Variants in EPHA6 observed in about 807,000 individuals in gnomAD.
The protein encoded by EPHA6 is ephrin type-A receptor 6.
In EPHA6, 50 loss-of-function variants were observed where a neutral mutation model predicts 112.0. That is an observed-to-expected ratio of 0.45 (90% CI 0.36 to 0.56). EPHA6 has a LOEUF of 0.56. EPHA6 is among the 20% of genes least tolerant of loss of function. The pLI is 0.00. For synonymous variants in EPHA6, 529 were observed against 490.7 expected (o/e 1.08, Z -1.03); for missense variants, 1,280 against 1,417.4 (o/e 0.90, Z 1.56).
chr3:97,503,301 T>C (rs2092171372), intron 10 of EPHA6, among the ~76,000 whole-genome samples: 1 of 152,156 alleles, frequency 6.6e-6, no homozygotes, highest in Non-Finnish European at 1.5e-5. Context: ...GAACACATAG[T>C]TCCAAAAAAC....
chr3:97,254,591 A>G (rs1417552098), intron 5 of EPHA6, among the ~76,000 whole-genome samples: 2 of 152,232 alleles, frequency 1.3e-5, no homozygotes, highest in Non-Finnish European at 2.9e-5. Context: ...CTACCAGCTC[A>G]TATTAGTTTT....
At chr3:97,551,616 T>C (rs2093030040) in intron 11 of EPHA6, among the ~76,000 whole-genome samples, 1 of 152,196 alleles carries the variant, frequency 6.6e-6, no homozygotes, top group Non-Finnish European at 1.5e-5. Flanking sequence ...ATATATAACA[T>C]GCTGTTGTGT....
At chr3:97,185,445 G>A (rs560618785) in intron 3 of EPHA6, among the ~76,000 whole-genome samples, 2 of 152,218 alleles carry the variant, frequency 1.3e-5, no homozygotes, top group Non-Finnish European at 2.9e-5. Context: ...CATTTATGCA[G>A]CCAACAGATG....
At chr3:97,536,969 G>C (rs1411064008) in intron 11 of EPHA6, among the ~76,000 whole-genome samples, 2 of 152,120 alleles carry the variant, frequency 1.3e-5, no homozygotes, top group Non-Finnish European at 2.9e-5. Context: ...GTCATGAGAT[G>C]TTGGTGAGGT....
chr3:97,241,779 T>G (rs1168299123), intron 4 of EPHA6, among the ~76,000 whole-genome samples: 1 of 150,162 alleles, frequency 6.7e-6, no homozygotes, highest in Non-Finnish European at 1.5e-5. Flanking sequence ...TTGTTTTTTT[T>G]TTTAGTATCT....
intron 5 of EPHA6, among the ~76,000 whole-genome samples, chr3:97,335,856 G>A (rs1430476792): frequency 9.9e-5 from 15 of 152,096 alleles, no homozygotes; most frequent in Non-Finnish European, 2.1e-4. Context: ...TTGGTGGCCA[G>A]TGAATCAGGA....
chr3:97,001,764 A>C (rs1160180853), intron 3 of EPHA6, among the ~76,000 whole-genome samples: 2 of 152,020 alleles, frequency 1.3e-5, no homozygotes, highest in Non-Finnish European at 2.9e-5. Flanking sequence ...GTATACAAGG[A>C]CTATCAGCAT....
At chr3:97,665,297 G>A (rs145152636) in intron 14 of EPHA6, among the ~76,000 whole-genome samples, 4,303 of 152,192 alleles carry the variant, frequency 0.028, 185 homozygotes, top group African/African-American at 0.096. Flanking sequence ...TCCCTTCCTT[G>A]CACCTTATAC....
chr3:97,644,307 A>G (rs1248360932), intron 14 of EPHA6, among the ~76,000 whole-genome samples: 6 of 148,712 alleles, frequency 4.0e-5, no homozygotes, highest in Non-Finnish European at 9.0e-5. Context: ...AGGGAAATTT[A>G]TAGCACTAAA....
At chr3:96,937,703 A>G (rs1189156054) in intron 2 of EPHA6, among the ~76,000 whole-genome samples, 1 of 152,108 alleles carries the variant, frequency 6.6e-6, no homozygotes, top group Non-Finnish European at 1.5e-5. Context: ...CCTGAATGGT[A>G]TTGCCTAGGT....
At chr3:97,731,820 A>G (rs2035048519) in intron 15 of EPHA6, among the ~76,000 whole-genome samples, 1 of 152,028 alleles carries the variant, frequency 6.6e-6, no homozygotes, top group Non-Finnish European at 1.5e-5. Flanking sequence ...CTCCAACCCG[A>G]GAATTGCTTC....
At chr3:96,963,864 C>T (rs1351964911) in intron 2 of EPHA6, among the ~76,000 whole-genome samples, 2 of 152,044 alleles carry the variant, frequency 1.3e-5, no homozygotes, top group African/African-American at 4.8e-5. Flanking sequence ...TAAACCTATT[C>T]TTCAATTTGC....
At chr3:96,960,312 C>G (rs6802423) in intron 2 of EPHA6, among the ~76,000 whole-genome samples, 2 of 151,940 alleles carry the variant, frequency 1.3e-5, no homozygotes, top group African/African-American at 4.8e-5. Flanking sequence ...TCATCTTTCT[C>G]TCTTATTTCT....
chr3:97,615,971 A>T lies in EPHA6; in HGVS notation c.2574+5117A>T, dbSNP rs550370672. ...GCAGGACACAGCTACTCTACAAAAA[A>T]GTGACTAGACTGCTTCTTGAAGAGT... is the stretch of plus-strand genomic sequence containing the variant. On this transcript the variant is annotated intron_variant, in intron 13 of 17. Transcript: ENST00000389672. Among the ~76,000 whole-genome samples, 264 of 152,324 alleles carry T rather than the reference A, an allele frequency of 1.7e-3. 1 individual carries two copies. The highest frequency in any genetic ancestry group is 2.5e-3 in the Non-Finnish European group (168 of 68,032).
chr3:97,171,171 C>G (rs1207004724), intron 3 of EPHA6, among the ~76,000 whole-genome samples: 1 of 152,086 alleles, frequency 6.6e-6, no homozygotes, highest in Non-Finnish European at 1.5e-5. Flanking sequence ...ATTGATTTCC[C>G]ATGGAGTTGA....
chr3:97,614,615 G>A (rs942008812), intron 13 of EPHA6, among the ~76,000 whole-genome samples: 1 of 150,380 alleles, frequency 6.6e-6, no homozygotes, highest in Non-Finnish European at 1.5e-5. Flanking sequence ...GCCTTCCAAA[G>A]TGCTGGGATT....
At chr3:96,924,711 G>T (rs570821469) in intron 2 of EPHA6, among the ~76,000 whole-genome samples, 20 of 152,204 alleles carry the variant, frequency 1.3e-4, no homozygotes, top group African/African-American at 4.6e-4. Flanking sequence ...CTTGTCTTGT[G>T]ATGGTATTCA....
chr3:97,111,190 C>T (rs1471032297), intron 3 of EPHA6, among the ~76,000 whole-genome samples: 4 of 152,066 alleles, frequency 2.6e-5, no homozygotes, highest in African/African-American at 9.7e-5. Flanking sequence ...TTATTTTCAA[C>T]AACAACAGTA....
intron 13 of EPHA6, among the ~76,000 whole-genome samples, chr3:97,622,950 G>T (rs928516321): frequency 1.4e-4 from 18 of 129,196 alleles, no homozygotes; most frequent in African/African-American, 5.8e-4. Flanking sequence ...GAATCAGGTT[G>T]CTTGATTTTT....
Sources: allele counts gnomAD v4.1 joint callset (sites outside exome capture counted in the v4.1 genomes callset), GRCh38; gene constraint gnomAD v4.1.1; transcripts MANE v1.5; gene names NCBI Gene and HGNC (gene_info 2026-07-23, HGNC 2026-07-21).